Variants in DNAH7 observed in about 807,000 individuals in gnomAD.
DNAH7 encodes the protein axonemal beta dynein heavy chain 7.
Under a neutral mutation model 444.6 loss-of-function variants are expected in DNAH7, and 397 were observed. The ratio of observed to expected loss-of-function variants is 0.89; its 90% CI spans 0.82 to 0.97. The LOEUF (loss-of-function observed/expected upper bound fraction) is 0.97. Among genes scored for constraint, DNAH7 ranks in the 50% least tolerant of loss-of-function variants. The pLI is 0.00. For synonymous variants in DNAH7, 1,636 were observed against 1,624.4 expected, an observed-to-expected ratio of 1.01 and a Z score of -0.17; for missense variants, 4,902 against 4,800.8, an observed-to-expected ratio of 1.02 and a Z score of -0.62.
chr2:195,992,510 TTTTG>T (rs1440567584), intron 12 of DNAH7, among the ~76,000 whole-genome samples: 3 of 152,212 alleles, frequency 2.0e-5, no homozygotes, highest in African/African-American at 4.8e-5. Context: ...TTTTGTGTTT[TTTTG>T]TTTGTTTGTT....
At chr2:196,019,771 T>G (rs2125752233) in intron 8 of DNAH7, among the ~76,000 whole-genome samples, 1 of 152,348 alleles carries the variant, frequency 6.6e-6, no homozygotes, top group Non-Finnish European at 1.5e-5. Flanking sequence ...ACCCCGTTAA[T>G]ATGTAAACAT....
Position 195,794,481 on chromosome 2 carries a change from A to G in DNAH7, c.10573T>C (p.Ser3525Pro). 1 of 1,614,170 alleles carries G rather than the reference A, an allele frequency of 6.2e-7. No homozygotes were observed. Among genetic ancestry groups the G allele is most frequent in the Non-Finnish European group, 8.5e-7 (1 of 1,180,020 alleles). The change falls in exon 57 of 65, where the codon TCT (serine) becomes CCT (proline). Residue 3525 changes from serine (S) to proline (P), a missense_variant. Physicochemically the swap from Ser to Pro is moderately conservative, Grantham distance 74. Coordinates refer to ENST00000312428, the MANE Select transcript of DNAH7 (RefSeq NM_018897.3). ...AGTACTGACACAGGGAAATTTGGAG[A>G]TGGGTAACTCGTTAGCCACATTCGG... ...DFRMWLTSYP[S>P]PNFPVSVLQN...
At position 195,865,027 on chromosome 2, in the gene DNAH7, T is replaced by C; in HGVS notation, c.6634-6A>G. 1 of 1,553,176 alleles carries C rather than the reference T, an allele frequency of 6.4e-7. No individual in the cohort carries two copies. On this transcript the variant is annotated splice_polypyrimidine_tract_variant and splice_region_variant and intron_variant, in intron 40 of 64. Transcript: ENST00000312428. ...TCATAATACACTCGAAGGACCTGTA[T>C]AATAATTAAAAAGCAGCTTTAGAAA...
intron 2 of DNAH7, 68 bp from the exon 3 acceptor site, chr2:196,051,317 A>G (rs1319500114): frequency 1.7e-6 from 2 of 1,190,760 alleles, no homozygotes; most frequent in African/African-American, 3.0e-5. Flanking sequence ...TCACTGAACC[A>G]AATTTTACAG....
intron 40 of DNAH7, among the ~76,000 whole-genome samples, chr2:195,867,192 A>T (rs1271841798): frequency 1.3e-5 from 2 of 152,158 alleles, no homozygotes; most frequent in Non-Finnish European, 2.9e-5. Context: ...CACCACCAAG[A>T]TCAAGATATA....
chr2:195,864,592 C>A lies in DNAH7; in HGVS notation c.7063G>T (p.Ala2355Ser). The change falls in exon 41 of 65, where the codon GCC becomes TCC. Residue 2355 changes from alanine (A) to serine (S), a missense_variant. Ala to Ser is a moderately conservative substitution (Grantham distance 99). Transcript: ENST00000312428. ...SGRQSVTRLA[A>S]HMADYSVFQV... ...AAAACTGAATAATCAGCCATGTGGG[C>A]AGCTAATCTGGTGACAGACTGCCTT... 4 of 1,614,146 alleles carry A rather than the reference C, an allele frequency of 2.5e-6. No homozygotes were observed. The highest frequency in any genetic ancestry group is 3.4e-6 in the Non-Finnish European group (4 of 1,180,012).
At chr2:195,894,932 CAA>C (rs779644894) in intron 30 of DNAH7, 42 bp downstream of exon 30, 2 of 1,523,068 alleles carry the variant, frequency 1.3e-6, no homozygotes, top group East Asian at 4.7e-5. Context: ...CTACCTTGCA[CAA>C]AGTCAATTAT....
At chr2:195,765,954 G>A (rs1441304621) in intron 61 of DNAH7, among the ~76,000 whole-genome samples, 1 of 151,988 alleles carries the variant, frequency 6.6e-6, no homozygotes, top group Non-Finnish European at 1.5e-5. Context: ...ACTCACAAAA[G>A]CCAAGATATG....
At chr2:196,054,511 C>T (rs1355767121) in intron 2 of DNAH7, among the ~76,000 whole-genome samples, 1 of 151,970 alleles carries the variant, frequency 6.6e-6, no homozygotes, top group African/African-American at 2.4e-5. Context: ...AACAGAGAGA[C>T]ACCTGTCTTT....
intron 57 of DNAH7, among the ~76,000 whole-genome samples, chr2:195,788,407 A>G (rs1695728886): frequency 6.6e-6 from 1 of 152,246 alleles, no homozygotes; most frequent in East Asian, 1.9e-4. Flanking sequence ...AATGATCAAT[A>G]TATTACATTA....
chr2:196,020,527 A>C (rs1308625018), intron 8 of DNAH7, among the ~76,000 whole-genome samples: 2 of 151,888 alleles, frequency 1.3e-5, no homozygotes, highest in Non-Finnish European at 2.9e-5. Context: ...CCAGGAGAAA[A>C]GTTGTTCTCC....
At chr2:195,994,511 G>A (rs527795002) in intron 12 of DNAH7, 11 of 487,250 alleles carry the variant, frequency 2.3e-5, no homozygotes, top group East Asian at 5.1e-5. Flanking sequence ...AATCCAAGTC[G>A]TTGGAATTGG....
intron 8 of DNAH7, among the ~76,000 whole-genome samples, chr2:196,020,618 T>G (rs1459087961): frequency 1.1e-4 from 16 of 150,938 alleles, no homozygotes; most frequent in Admixed American, 2.6e-4. Flanking sequence ...TTTTGTTTTT[T>G]TTTTTTTTTT....
rs775767907 is a variant in DNAH7 at position 195,936,602 on chromosome 2, G to C, written c.3269C>G (p.Thr1090Ser). Residue 1090 changes from threonine (T) to serine (S), a missense_variant, in exon 20 of 65, where the codon ACT becomes AGT. Physicochemically the swap from Thr to Ser is moderately conservative, Grantham distance 58. Coordinates refer to ENST00000312428, the MANE Select transcript of DNAH7 (RefSeq NM_018897.3). ...LEILSETKDP[T>S]RVQPHLKKCF... ...ATTCTACATGTAAATTACTTACCTA[G>C]TGGGATCTTTAGTCTCAGATAGTAT... 2.5e-6 allele frequency: 4 copies of C among 1,579,662 alleles called. No individual in the cohort carries two copies. In the Admixed American group the frequency reaches 7.8e-5, roughly 31 times the overall value.
chr2:195,785,588 T>G (rs74444806), intron 58 of DNAH7, among the ~76,000 whole-genome samples: 1 of 72,406 alleles, frequency 1.4e-5, no homozygotes, highest in Non-Finnish European at 3.2e-5. Context: ...TACTGAGAGC[T>G]TTTTTTTTTT....
intron 1 of DNAH7, among the ~76,000 whole-genome samples, chr2:196,065,017 GGTTT>G (rs1298413643): frequency 1.1e-4 from 17 of 151,978 alleles, no homozygotes; most frequent in Non-Finnish European, 2.1e-4. Context: ...TAATTCCATT[GGTTT>G]ATTATCCATA....
Position 195,754,426 on chromosome 2 carries a change from T to C in DNAH7, c.11675A>G (p.Tyr3892Cys). 1 of 1,614,060 alleles carries C rather than the reference T, an allele frequency of 6.2e-7. No homozygotes were observed. The highest frequency in any genetic ancestry group is 8.5e-7 in the Non-Finnish European group (1 of 1,179,978). The change falls in exon 63 of 65, where the codon TAC becomes TGC. Residue 3892 changes from tyrosine (Y) to cysteine (C), a missense_variant. By Grantham distance (194) the Tyr-to-Cys change is radical. Coordinates refer to ENST00000312428, the MANE Select transcript of DNAH7 (RefSeq NM_018897.3). ...QAFLTGAQQN[Y>C]ARKYTIPIDL... ...AATAGGAATTGTGTATTTCCTGGCGTAGTTCTGCTGGGCACCGGTCAGGAA... is the reference window on the plus strand; with the variant it reads ...AATAGGAATTGTGTATTTCCTGGCGCAGTTCTGCTGGGCACCGGTCAGGAA...
rs1224906096 is a variant in DNAH7 at position 195,923,513 on chromosome 2, T to G, written c.3825+82A>C. The G allele has an allele frequency of 4.5e-6, 6 of 1,332,586 alleles. No individual in the cohort carries two copies. In the East Asian group the frequency reaches 1.4e-4, roughly 31 times the overall value. The allele number at this position is 1,332,586 out of a possible 1,614,324, so 82.5% of individuals were successfully genotyped here. On this transcript the variant is annotated intron_variant, in intron 23 of 64. Coordinates refer to ENST00000312428, the MANE Select transcript of DNAH7 (RefSeq NM_018897.3). Reference sequence around the variant, plus strand: ...AAAGATCTCAGATTACTGCTACTATTTCCCATGTGAGCAAGCAAGCACAAA... The same window carrying G: ...AAAGATCTCAGATTACTGCTACTATGTCCCATGTGAGCAAGCAAGCACAAA...
chr2:195,930,778 G>A (rs552250274), intron 21 of DNAH7, among the ~76,000 whole-genome samples: 8 of 152,224 alleles, frequency 5.3e-5, no homozygotes, highest in African/African-American at 1.7e-4. Flanking sequence ...ATCAACCTAG[G>A]TGCCATCAAT....
Sources: gnomAD v4.1 joint callset for allele counts (sites outside exome capture counted in the v4.1 genomes callset) on GRCh38, gnomAD v4.1.1 for gene constraint, MANE v1.5 for transcripts, NCBI Gene and HGNC (gene_info 2026-07-23, HGNC 2026-07-21) for gene names.